Variants in PPP1CC observed in about 807,000 individuals in gnomAD.
PPP1CC encodes protein phosphatase 1 catalytic subunit gamma.
In PPP1CC, 16 loss-of-function variants were observed where a neutral mutation model predicts 38.4. The ratio of observed to expected loss-of-function variants is 0.42; its 90% CI spans 0.28 to 0.63. The LOEUF (loss-of-function observed/expected upper bound fraction) is 0.63. Ranked by LOEUF, PPP1CC falls within the 30% of genes least tolerant of loss-of-function variation. PPP1CC has a pLI of 0.25. For missense variants in PPP1CC, 170 were observed against 391.3 expected (o/e 0.43, Z 4.77); for synonymous variants, 158 against 136.0 (o/e 1.16, Z -1.13).
chr12:110,712,201 C>G, the PPP1CC span, among the ~76,000 whole-genome samples: 3 of 152,012 alleles, frequency 2.0e-5, no homozygotes, highest in Admixed American at 2.0e-4. Flanking sequence ...TGTGGGGACA[C>G]TATGGTGATT....
chr12:110,716,356 C>CTT (rs11065705), downstream of PPP1CC, among the ~76,000 whole-genome samples: 79 of 145,352 alleles, frequency 5.4e-4, no homozygotes, highest in Middle Eastern at 3.6e-3. Context: ...TTAGTTTTAA[C>CTT]TTTTTTTTTT....
chr12:110,742,181 C>G (rs2070024713), intron 1 of PPP1CC, among the ~76,000 whole-genome samples: 1 of 152,134 alleles, frequency 6.6e-6, no homozygotes, highest in Non-Finnish European at 1.5e-5. Flanking sequence ...TAAAAGCAAG[C>G]AGGAAAAGAG....
At chr12:110,723,069 T>C (rs2069758013) in intron 4 of PPP1CC, among the ~76,000 whole-genome samples, 1 of 152,186 alleles carries the variant, frequency 6.6e-6, no homozygotes, top group African/African-American at 2.4e-5. Context: ...GCTGAGAAGA[T>C]AAGGATGCTC....
chr12:110,711,996 A>C, the PPP1CC span, among the ~76,000 whole-genome samples: 2 of 152,290 alleles, frequency 1.3e-5, no homozygotes, highest in Admixed American at 1.3e-4. Context: ...GTTTTCAGTC[A>C]ATGATGGACC....
At chr12:110,716,444 C>CTT (rs879727171), downstream of PPP1CC, among the ~76,000 whole-genome samples, 492 of 152,018 alleles carry the variant, frequency 3.2e-3, no homozygotes, top group Middle Eastern at 0.02. Flanking sequence ...CCTCTGCTTC[C>CTT]CAGGTTCAAG....
At chr12:110,723,572 C>T (rs912748328) in intron 4 of PPP1CC, among the ~76,000 whole-genome samples, 1 of 152,138 alleles carries the variant, frequency 6.6e-6, no homozygotes, top group Non-Finnish European at 1.5e-5. Context: ...TGCAGTGGTG[C>T]GATCATAGCT....
At chr12:110,735,699 T>G (rs2069935162) in intron 1 of PPP1CC, among the ~76,000 whole-genome samples, 1 of 151,466 alleles carries the variant, frequency 6.6e-6, no homozygotes, top group Non-Finnish European at 1.5e-5. Context: ...CGAGAATCAC[T>G]TGAACCTGGG....
intron 3 of PPP1CC, among the ~76,000 whole-genome samples, chr12:110,729,888 A>T (rs997397385): frequency 3.3e-5 from 5 of 152,258 alleles, no homozygotes; most frequent in African/African-American, 1.2e-4. Flanking sequence ...GTTGCTTAAA[A>T]AAACTATTTG....
At position 110,727,254 on chromosome 12, in the gene PPP1CC, G is replaced by C. The variant is rs138694084; in HGVS notation, c.419-2490C>G. Reference sequence around the variant, plus strand: ...GCGTGAGCTACCACGCCCCGGCTTTGATTCTTTAGTTATGCCACATACTCC... The same window carrying C: ...GCGTGAGCTACCACGCCCCGGCTTTCATTCTTTAGTTATGCCACATACTCC... On this transcript the variant is annotated intron_variant, in intron 3 of 6. Transcript: ENST00000335007. 6.6e-4 allele frequency among the ~76,000 whole-genome samples: 100 copies of C among 152,278 alleles called. 1 individual carries two copies. The highest frequency in any genetic ancestry group is 2.3e-3 in the African/African-American group (96 of 41,560).
At chr12:110,730,060 C>T (rs1176988169) in intron 3 of PPP1CC, among the ~76,000 whole-genome samples, 1 of 152,160 alleles carries the variant, frequency 6.6e-6, no homozygotes, top group Non-Finnish European at 1.5e-5. Flanking sequence ...ATTTTTCTAC[C>T]CAAGAGAGAA....
chr12:110,740,636 G>A (rs2070007573), intron 1 of PPP1CC, among the ~76,000 whole-genome samples: 1 of 151,990 alleles, frequency 6.6e-6, no homozygotes, highest in African/African-American at 2.4e-5. Context: ...ATTAATTTCA[G>A]CAAAAAATGA....
At chr12:110,718,829 C>G (rs1243745477), downstream of PPP1CC, among the ~76,000 whole-genome samples, 2 of 152,270 alleles carry the variant, frequency 1.3e-5, no homozygotes, top group East Asian at 1.9e-4. Flanking sequence ...TGCTGTCAAA[C>G]AGATTTCAAA....
chr12:110,714,420 C>A, the PPP1CC span, among the ~76,000 whole-genome samples: 15 of 152,032 alleles, frequency 9.9e-5, no homozygotes, highest in Non-Finnish European at 1.5e-4. Context: ...TTCACTTATG[C>A]TGGACAGCCT....
rs1167665018 is a variant in PPP1CC, at chr12:110,720,206, T to C, written c.*870A>G. 1 of 1,546,226 alleles carries C rather than the reference T, an allele frequency of 6.5e-7. No homozygotes were observed. The highest frequency in any genetic ancestry group is 8.7e-7 in the Non-Finnish European group (1 of 1,150,818). ...TGGACGGGTTCAGGCCTGATGCAAC[T>C]GTAAAAAGATTACTTAATGAATAGA... On this transcript the variant is annotated 3_prime_UTR_variant, in exon 7 of 7. Transcript: ENST00000335007.
chr12:110,722,547 G>T lies in PPP1CC; in HGVS notation c.672C>A (p.Ser224=). 6.2e-7 allele frequency: 1 copy of T among 1,614,166 alleles called. No individual in the cohort carries two copies. Among genetic ancestry groups the T allele is most frequent in the African/African-American group, 1.3e-5 (1 of 75,034 alleles). Residue 224 remains serine (S), a synonymous_variant, in exon 5 of 7, where the codon TCC becomes TCA. Coordinates refer to ENST00000335007, the MANE Select transcript of PPP1CC (RefSeq NM_002710.4). The surrounding 1 kb of genome is among the most constrained non-coding windows in gnomAD (Gnocchi z 5.4). ...CAACCACTTCTGCACCAAATGTGAA[G>T]GACACTCCTCTGTCATTTTCACCCC... ...LGWGENDRGV[S]FTFGAEVVAK...
At position 110,720,985 on chromosome 12, in the gene PPP1CC, G is replaced by A; in HGVS notation, c.*91C>T. On this transcript the variant is annotated 3_prime_UTR_variant, in exon 7 of 7. Coordinates refer to ENST00000335007, the MANE Select transcript of PPP1CC (RefSeq NM_002710.4). ...GGCCCCCACAAACACAGATCTATCT[G>A]AGCAAGCTGACCAGTACACATTACA... is the stretch of plus-strand genomic sequence containing the variant. 1 of 1,137,038 alleles carries A rather than the reference G, an allele frequency of 8.8e-7. No homozygotes were observed. Among genetic ancestry groups the A allele is most frequent in the Non-Finnish European group, 1.3e-6 (1 of 779,092 alleles). 70.4% of individuals were successfully genotyped at this position (1,137,038 alleles called of 1,614,324 possible). A position where few individuals can be genotyped will look rare whatever the true frequency, so the allele number is the denominator to read the frequency against.
chr12:110,711,112 G>A, the PPP1CC span, among the ~76,000 whole-genome samples: 1 of 152,092 alleles, frequency 6.6e-6, no homozygotes, highest in Non-Finnish European at 1.5e-5. Flanking sequence ...GGAGGCGGAG[G>A]TTGCAGTGAG....
At chr12:110,724,368 C>T (rs772662848) in intron 4 of PPP1CC, among the ~76,000 whole-genome samples, 1 of 152,146 alleles carries the variant, frequency 6.6e-6, no homozygotes, top group Non-Finnish European at 1.5e-5. Flanking sequence ...TGTGACCAGA[C>T]TGGGCAACGT....
In PPP1CC at chr12:110,731,801, T is replaced by G. The variant is rs1164020939; in HGVS notation, c.156A>C (p.Leu52=). 1.9e-6 allele frequency: 3 copies of G among 1,612,768 alleles called. No individual in the cohort carries two copies. The highest frequency in any genetic ancestry group is 2.5e-6 in the Non-Finnish European group (3 of 1,178,890). The change falls in exon 2 of 7, where the codon CTA becomes CTC. Residue 52 remains leucine (L), a synonymous_variant. Coordinates refer to ENST00000335007, the MANE Select transcript of PPP1CC (RefSeq NM_002710.4). The part of the protein sequence containing the change: ...SREIFLSQPI[L]LELEAPLKIC... Reference sequence around the variant, plus strand: ...TTTTGAGTGGTGCTTCAAGTTCTAGTAGGATAGGCTGACTGAGAAAGATTT... The same window carrying G: ...TTTTGAGTGGTGCTTCAAGTTCTAGGAGGATAGGCTGACTGAGAAAGATTT...
Sources: gnomAD v4.1 joint callset for allele counts (sites outside exome capture counted in the v4.1 genomes callset) on GRCh38, gnomAD v4.1.1 for gene constraint, Gnocchi (gnomAD v3.1) non-coding constraint, MANE v1.5 for transcripts, NCBI Gene and HGNC (gene_info 2026-07-23, HGNC 2026-07-21) for gene names.